The following OPN5 variants were observed in gnomAD, a reference collection of about 807,000 sequenced individuals.
The protein encoded by OPN5 is opsin-5.
A neutral mutation model predicts 41.7 loss-of-function variants in OPN5; 18 were observed. The observed-to-expected ratio is 0.43, with a 90% CI of 0.30 to 0.64. OPN5 has a LOEUF of 0.64. Among genes scored for constraint, OPN5 ranks in the 30% least tolerant of loss-of-function variants. The pLI, the probability that OPN5 is intolerant of heterozygous loss-of-function variation, is 0.13. For synonymous variants in OPN5, 178 were observed against 164.3 expected (o/e 1.08, Z -0.64); for missense variants, 318 against 434.5 (o/e 0.73, Z 2.38).
At chr6:47,798,224 A>G (rs1773639697) in intron 4 of OPN5, among the ~76,000 whole-genome samples, 1 of 152,088 alleles carries the variant, frequency 6.6e-6, no homozygotes, top group Admixed American at 6.6e-5. Flanking sequence ...CTAAATACAA[A>G]CATCTCTAAT....
intron 4 of OPN5, among the ~76,000 whole-genome samples, chr6:47,804,450 T>A (rs1362220957): frequency 6.6e-6 from 1 of 152,146 alleles, no homozygotes; most frequent in Non-Finnish European, 1.5e-5. Flanking sequence ...AAAAACAGAC[T>A]GATGAAAAGA....
chr6:47,826,250 C>T (rs192902227), downstream of OPN5: 8 of 152,170 alleles, frequency 5.3e-5, no homozygotes, highest in Middle Eastern at 3.4e-3. Flanking sequence ...TATTTTGAGA[C>T]GAATGAGATC....
chr6:47,810,691 G>A (rs1774156310), intron 5 of OPN5, among the ~76,000 whole-genome samples: 1 of 152,160 alleles, frequency 6.6e-6, no homozygotes, highest in Non-Finnish European at 1.5e-5. Context: ...TCTATTACAA[G>A]TTAAACTCAT....
At chr6:47,818,898 G>C (rs746476614) in intron 6 of OPN5, among the ~76,000 whole-genome samples, 12 of 152,090 alleles carry the variant, frequency 7.9e-5, no homozygotes, top group Non-Finnish European at 1.6e-4. Context: ...AGGGAGAGTG[G>C]AGGAAATGTG....
intron 5 of OPN5, among the ~76,000 whole-genome samples, chr6:47,809,390 C>G (rs1016545948): frequency 6.6e-6 from 1 of 152,090 alleles, no homozygotes; most frequent in African/African-American, 2.4e-5. Context: ...TGTGCCTGAG[C>G]AAGTGACAAA....
Position 47,800,573 on chromosome 6 carries a change from G to A in OPN5, c.756+5010G>A, listed in dbSNP as rs552685409. Among the ~76,000 whole-genome samples, 3 of 152,324 alleles carry A rather than the reference G, an allele frequency of 2.0e-5. No individual in the cohort carries two copies. The South Asian group carries it at 6.2e-4, about 32-fold the overall frequency. On this transcript the variant is annotated intron_variant, in intron 4 of 6. Coordinates refer to ENST00000371211, the Ensembl canonical transcript of OPN5. Reference sequence around the variant, plus strand: ...TCTTGTAACCTCCAGAATAATGGCTGACAATCATTTAGGTCTGCACCTTAG... The same window carrying A: ...TCTTGTAACCTCCAGAATAATGGCTAACAATCATTTAGGTCTGCACCTTAG...
chr6:47,792,296 G>A (rs1184978795), intron 3 of OPN5, among the ~76,000 whole-genome samples: 1 of 152,234 alleles, frequency 6.6e-6, no homozygotes, highest in Non-Finnish European at 1.5e-5. Flanking sequence ...TCGAAAGGGT[G>A]TTAAGTCCAA....
chr6:47,810,209 G>A (rs1774136508), intron 5 of OPN5, among the ~76,000 whole-genome samples: 1 of 152,174 alleles, frequency 6.6e-6, no homozygotes, highest in African/African-American at 2.4e-5. Context: ...CAGCTTTCGG[G>A]GAAAAAGCAG....
chr6:47,808,501 C>G (rs1774063823), intron 5 of OPN5, 106 bp downstream of exon 5: 1 of 1,238,192 alleles, frequency 8.1e-7, no homozygotes, highest in Non-Finnish European at 1.1e-6. Context: ...AGCTCATCGC[C>G]TAGGAGTAGT....
intron 2 of OPN5, among the ~76,000 whole-genome samples, chr6:47,789,457 G>T (rs1189701127): frequency 1.4e-5 from 2 of 144,348 alleles, no homozygotes; most frequent in African/African-American, 5.2e-5. Context: ...TGTCAGTCTT[G>T]ATCTCCACTT....
intron 6 of OPN5, among the ~76,000 whole-genome samples, chr6:47,814,048 C>G (rs1318289601): frequency 6.6e-6 from 1 of 152,036 alleles, no homozygotes; most frequent in Admixed American, 6.6e-5. Flanking sequence ...ATCATTATAT[C>G]ATTATAACGA....
chr6:47,815,796 C>G (rs1762412555), intron 6 of OPN5, among the ~76,000 whole-genome samples: 1 of 152,260 alleles, frequency 6.6e-6, no homozygotes, highest in African/African-American at 2.4e-5. Context: ...CTGGTCACCA[C>G]TGTGACCCTC....
exon 7 of OPN5, chr6:47,824,127 A>T: frequency 1.4e-6 from 1 of 707,876 alleles, no homozygotes; most frequent in Non-Finnish European, 2.5e-6. Context: ...AAAATAATTC[A>T]CAAGGAATAT....
intron 4 of OPN5, among the ~76,000 whole-genome samples, chr6:47,804,991 A>G (rs1398582732): frequency 2.6e-5 from 4 of 152,248 alleles, no homozygotes; most frequent in Non-Finnish European, 5.9e-5. Context: ...CACAGAAAAC[A>G]GCTTTTGGGA....
chr6:47,802,534 C>T (rs1234954099), intron 4 of OPN5, among the ~76,000 whole-genome samples: 3 of 152,058 alleles, frequency 2.0e-5, no homozygotes, highest in African/African-American at 7.2e-5. Flanking sequence ...TCTCAGTTAC[C>T]TTCTAAACTC....
At chr6:47,796,709 T>C (rs1773583161) in intron 4 of OPN5, among the ~76,000 whole-genome samples, 1 of 152,174 alleles carries the variant, frequency 6.6e-6, no homozygotes, top group Admixed American at 6.5e-5. Flanking sequence ...TTCCCCCAGA[T>C]AAGAGATGGC....
chr6:47,805,183 C>T (rs1434450009), intron 4 of OPN5, among the ~76,000 whole-genome samples: 1 of 152,194 alleles, frequency 6.6e-6, no homozygotes, highest in Non-Finnish European at 1.5e-5. Context: ...GTCACACAGA[C>T]ATAACCAAAT....
chr6:47,820,500 A>G (rs1387506606), intron 6 of OPN5, among the ~76,000 whole-genome samples: 1 of 152,040 alleles, frequency 6.6e-6, no homozygotes, highest in Non-Finnish European at 1.5e-5. Context: ...CAATAATTCT[A>G]TTTCCTTGCT....
chr6:47,785,019 T>C (rs1773162440), intron 1 of OPN5, among the ~76,000 whole-genome samples: 1 of 152,186 alleles, frequency 6.6e-6, no homozygotes, highest in Non-Finnish European at 1.5e-5. Context: ...TGATAATGCT[T>C]TGGGCACTGG....
Sources: gnomAD v4.1 joint callset for allele counts (sites outside exome capture counted in the v4.1 genomes callset) on GRCh38, gnomAD v4.1.1 for gene constraint, MANE v1.5 for transcripts, NCBI Gene and HGNC (gene_info 2026-07-23, HGNC 2026-07-21) for gene names.